The following PDE4D variants were observed in gnomAD, a reference collection of about 807,000 sequenced individuals.
The protein encoded by PDE4D is phosphodiesterase 4D, also known as 3',5'-cyclic-AMP phosphodiesterase 4D.
Under a neutral mutation model 87.4 loss-of-function variants are expected in PDE4D, and 24 were observed. The ratio of observed to expected loss-of-function variants is 0.27; its 90% CI spans 0.20 to 0.39. The LOEUF is 0.39. Ranked by LOEUF, PDE4D falls within the 10% of genes least tolerant of loss-of-function variation. The pLI, the probability that PDE4D is intolerant of heterozygous loss-of-function variation, is 1.00. For missense variants in PDE4D, 714 were observed against 1,041.0 expected, an observed-to-expected ratio of 0.69 and a Z score of 4.32; for synonymous variants, 384 against 383.2, an observed-to-expected ratio of 1.00 and a Z score of -0.02.
At chr5:59,939,808 C>G (rs1440180017) in intron 3 of PDE4D, among the ~76,000 whole-genome samples, 2 of 152,090 alleles carry the variant, frequency 1.3e-5, no homozygotes, top group Admixed American at 1.3e-4. Context: ...TGAACTTTAT[C>G]CTAAGAGAAA....
intron 2 of PDE4D, among the ~76,000 whole-genome samples, chr5:60,094,760 G>A (rs150875043): frequency 5.7e-4 from 86 of 152,032 alleles, no homozygotes; most frequent in African/African-American, 1.6e-3. Flanking sequence ...AGGAATCAAC[G>A]CTACTGGCAC....
chr5:60,008,497 C>G (rs754303259), intron 2 of PDE4D, among the ~76,000 whole-genome samples: 2 of 151,988 alleles, frequency 1.3e-5, no homozygotes, highest in Non-Finnish European at 2.9e-5. Context: ...GTATTCTTCA[C>G]GTGACACAGT....
intron 6 of PDE4D, among the ~76,000 whole-genome samples, chr5:59,022,323 C>T (rs1270204048): frequency 6.6e-6 from 1 of 152,140 alleles, no homozygotes; most frequent in African/African-American, 2.4e-5. Context: ...TCCCCTCCTT[C>T]TCCCACTCTT....
chr5:59,244,712 GTGTGTGTGTGTA>G (rs1232036602), intron 1 of PDE4D, among the ~76,000 whole-genome samples: 22 of 143,904 alleles, frequency 1.5e-4, no homozygotes, highest in South Asian at 2.2e-4. Context: ...GTGTGTGTGT[GTGTGTGTGTGTA>G]TAGAGAGACC....
At chr5:59,749,919 C>T (rs1341540601) in intron 1 of PDE4D, among the ~76,000 whole-genome samples, 2 of 152,050 alleles carry the variant, frequency 1.3e-5, no homozygotes, top group Non-Finnish European at 2.9e-5. Context: ...CCTAAAAATG[C>T]TCCTTCCACA....
chr5:58,972,303 T>C lies in PDE4D; in HGVS notation c.*2361A>G, dbSNP rs1742748301. ...CTACTTGGTCAAACATACGTCTTTA[T>C]TTTTTTCTTATTTGAAAGATTACCA... On this transcript the variant is annotated 3_prime_UTR_variant, in exon 15 of 15. Transcript: ENST00000340635. 6.6e-6 allele frequency: 1 copy of C among 152,606 alleles called. No homozygotes were observed. The highest frequency in any genetic ancestry group is 2.4e-5 in the African/African-American group (1 of 41,462). The allele number at this position is 152,606 out of a possible 1,614,324, so 9.5% of individuals were successfully genotyped here.
chr5:59,144,572 T>G (rs958365377), intron 5 of PDE4D, among the ~76,000 whole-genome samples: 1 of 152,192 alleles, frequency 6.6e-6, no homozygotes, highest in Non-Finnish European at 1.5e-5. Context: ...ATTAGCTTCA[T>G]AGTTAATTGG....
chr5:60,368,306 T>C (rs1045611725), intron 1 of PDE4D, among the ~76,000 whole-genome samples: 3 of 152,218 alleles, frequency 2.0e-5, no homozygotes, highest in Admixed American at 6.5e-5. Flanking sequence ...AGGAATGCCA[T>C]TGCAACCCCT....
chr5:59,311,254 T>A (rs1772535883), intron 1 of PDE4D, among the ~76,000 whole-genome samples: 1 of 151,808 alleles, frequency 6.6e-6, no homozygotes, highest in Admixed American at 6.6e-5. Context: ...CAGCTGGGCG[T>A]GGTGGCTCAT....
intron 3 of PDE4D, among the ~76,000 whole-genome samples, chr5:59,941,123 T>C (rs1057416927): frequency 6.6e-6 from 1 of 152,184 alleles, no homozygotes; most frequent in Non-Finnish European, 1.5e-5. Flanking sequence ...TTTTAATAAG[T>C]ATATTTCCTT....
intron 1 of PDE4D, among the ~76,000 whole-genome samples, chr5:59,829,482 A>G (rs1446434746): frequency 6.6e-6 from 1 of 151,978 alleles, no homozygotes; most frequent in African/African-American, 2.4e-5. Flanking sequence ...CTGTTATAAC[A>G]CAGCTGTTTT....
At chr5:60,068,496 A>C (rs887180475) in intron 2 of PDE4D, among the ~76,000 whole-genome samples, 1 of 151,914 alleles carries the variant, frequency 6.6e-6, no homozygotes, top group Admixed American at 6.6e-5. Flanking sequence ...GATATTTTGG[A>C]TACTAACCCT....
chr5:59,359,961 A>G (rs1361673596), intron 1 of PDE4D, among the ~76,000 whole-genome samples: 1 of 152,168 alleles, frequency 6.6e-6, no homozygotes, highest in Non-Finnish European at 1.5e-5. Context: ...AAGTATCAGC[A>G]AAGTGCCCGT....
rs1209923529 is a variant in PDE4D, at chr5:58,971,546, AAAAT to A, written c.*3114_*3117del. The A allele has an allele frequency of 3.3e-5, 5 of 152,674 alleles. No individual in the cohort carries two copies. The highest frequency in any genetic ancestry group is 9.6e-5 in the African/African-American group (4 of 41,466). 9.5% of individuals were successfully genotyped at this position (152,674 alleles called of 1,614,324 possible). A position where few individuals can be genotyped will look rare whatever the true frequency, so the allele number is the denominator to read the frequency against. On this transcript the variant is annotated 3_prime_UTR_variant, in exon 15 of 15. Coordinates refer to ENST00000340635, the MANE Select transcript of PDE4D (RefSeq NM_001104631.2). ...GTGAGAAAAAAAATGCATGGCACAA[AAAAT>A]AAATAATGCATTCAAAAATTATCAT...
At chr5:59,127,763 A>G (rs1775667400) in intron 5 of PDE4D, among the ~76,000 whole-genome samples, 1 of 152,016 alleles carries the variant, frequency 6.6e-6, no homozygotes, top group South Asian at 2.1e-4. Flanking sequence ...CTAGTGCGAC[A>G]TCAGAAACCA....
At chr5:59,459,879 T>C (rs1185696868) in intron 1 of PDE4D, among the ~76,000 whole-genome samples, 2 of 152,178 alleles carry the variant, frequency 1.3e-5, no homozygotes, top group African/African-American at 4.8e-5. Context: ...CCCTAGAGCA[T>C]GTGAAGTCAG....
intron 1 of PDE4D, among the ~76,000 whole-genome samples, chr5:59,847,109 A>C (rs1057467859): frequency 3.9e-5 from 6 of 151,956 alleles, no homozygotes; most frequent in African/African-American, 1.4e-4. Context: ...CCAGGCACAC[A>C]AGGCTGCTCA....
chr5:59,308,668 G>C (rs894569846), intron 1 of PDE4D, among the ~76,000 whole-genome samples: 25 of 151,886 alleles, frequency 1.6e-4, no homozygotes, highest in African/African-American at 5.6e-4. Context: ...GTAGGGGTTG[G>C]GGGGCGCAAT....
At chr5:59,652,918 T>G (rs1249114611) in intron 1 of PDE4D, among the ~76,000 whole-genome samples, 1 of 152,116 alleles carries the variant, frequency 6.6e-6, no homozygotes, top group African/African-American at 2.4e-5. Flanking sequence ...ATTCTCTCCA[T>G]GCCAAGTAAA....
Sources: allele counts gnomAD v4.1 joint callset (sites outside exome capture counted in the v4.1 genomes callset), GRCh38; gene constraint gnomAD v4.1.1; transcripts MANE v1.5; gene names NCBI Gene and HGNC (gene_info 2026-07-23, HGNC 2026-07-21).